The following TM7SF2 variants were observed in gnomAD, a reference collection of about 807,000 sequenced individuals.
The protein encoded by TM7SF2 is transmembrane 7 superfamily member 2.
In TM7SF2, 51 loss-of-function variants were observed where a neutral mutation model predicts 51.0. The observed-to-expected ratio is 1.00, with a 90% CI of 0.80 to 1.26. TM7SF2 has a LOEUF of 1.26. Among genes scored for constraint, TM7SF2 ranks in the 50% most tolerant of loss-of-function variants. The probability of loss-of-function intolerance (pLI) is 0.00; values close to 1 mark genes in which losing one functional copy is unlikely to be tolerated. For missense variants in TM7SF2, 541 were observed against 547.4 expected, an observed-to-expected ratio of 0.99 and a Z score of 0.12; for synonymous variants, 255 against 241.0, an observed-to-expected ratio of 1.06 and a Z score of -0.54.
At chr11:65,113,622 C>A (rs1947941081) in intron 5 of TM7SF2, 28 bp downstream of exon 5, 2 of 1,590,340 alleles carry the variant, frequency 1.3e-6, no homozygotes, top group Non-Finnish European at 1.7e-6. Context: ...GAGCTGGCCT[C>A]AGGCCAGGGG....
Position 65,115,350 on chromosome 11 carries a change from A to AC in TM7SF2, c.929_930insC (p.Gln310HisfsTer11). The AC allele has an allele frequency of 6.2e-7, 1 of 1,614,218 alleles. No individual in the cohort carries two copies. Among genetic ancestry groups the AC allele is most frequent in the East Asian group, 2.2e-5 (1 of 44,888 alleles). On this transcript the variant is annotated frameshift_variant, in exon 8 of 10. Coordinates refer to ENST00000279263, the MANE Select transcript of TM7SF2 (RefSeq NM_003273.6). LOFTEE classifies it high-confidence loss of function. ...TACATCTTCCGTGGGGCGAATTCCCAGAAAAACACTTTCCGAAAGAATCCT... is the reference window on the plus strand; with the variant it reads ...TACATCTTCCGTGGGGCGAATTCCCACGAAAAACACTTTCCGAAAGAATCCT...
At chr11:65,112,933 A>G (rs1433118436) in intron 3 of TM7SF2, 68 bp downstream of exon 3, 2 of 1,527,390 alleles carry the variant, frequency 1.3e-6, no homozygotes, top group African/African-American at 2.8e-5. Context: ...CCTAGCGGGG[A>G]GGTCCACGGA....
chr11:65,112,093 G>C, intron 1 of TM7SF2, 26 bp downstream of exon 1: 1 of 1,587,276 alleles, frequency 6.3e-7, no homozygotes, highest in Non-Finnish European at 8.5e-7. Flanking sequence ...GATGGGACCT[G>C]GGGCAAAGGC....
rs902293592 is a variant in TM7SF2, at chr11:65,114,952, T to C, written c.763T>C (p.Phe255Leu). Residue 255 changes from phenylalanine (F) to leucine (L), a missense_variant, in exon 7 of 10, where the codon TTT (phenylalanine) becomes CTT (leucine). Physicochemically the swap from Phe to Leu is conservative, Grantham distance 22. Coordinates refer to ENST00000279263, the MANE Select transcript of TM7SF2 (RefSeq NM_003273.6). ...LTTMDITHDG[F>L]GFMLAFGDMA... is the part of the protein sequence containing the mutation. ...CACCATGGATATCACACATGACGGG[T>C]TTGGCTTCATGCTGGCGTTTGGGGA... 14 of 1,614,058 alleles carry C rather than the reference T, an allele frequency of 8.7e-6. No homozygotes were observed. In the African/African-American group the frequency reaches 1.7e-4, roughly 20 times the overall value.
chr11:65,113,111 T>G, intron 3 of TM7SF2, 109 bp from the exon 4 acceptor site: 1 of 1,267,126 alleles, frequency 7.9e-7, no homozygotes, highest in Non-Finnish European at 1.1e-6. Context: ...GGCAGCCTAA[T>G]GCTTGGGGCA....
chr11:65,113,893 C>T, intron 5 of TM7SF2: 1 of 424,646 alleles, frequency 2.4e-6, no homozygotes, highest in South Asian at 2.4e-5. Context: ...TTCTCAACAG[C>T]AGTCAAGCAC....
rs372222454 is a variant in TM7SF2, at chr11:65,113,492, C to T, written c.501C>T (p.Gly167=). ...VSALAPGGNS[G]NPIYDFFLGR... The stretch of plus-strand genomic sequence containing the variant: ...CATTCACTCTCCAATATTCTCCAGG[C>T]AATCCGATTTACGACTTTTTTCTGG... The change falls in exon 5 of 10, where the codon GGC becomes GGT. Residue 167 remains glycine, a splice_region_variant and synonymous_variant. Coordinates refer to ENST00000279263, the MANE Select transcript of TM7SF2 (RefSeq NM_003273.6). The T allele has an allele frequency of 1.3e-5, 21 of 1,614,080 alleles. No individual in the cohort carries two copies. The African/African-American group carries it at 2.7e-4, about 21-fold the overall frequency.
Position 65,116,082 on chromosome 11 carries a change from T to A in TM7SF2, c.*29T>A, listed in dbSNP as rs776714979. ...GGCTCCACCACCCCAGGTGGGGGCA[T>A]GTGCCCACTCATCCACCAGCACACC... On this transcript the variant is annotated 3_prime_UTR_variant, in exon 10 of 10. Coordinates refer to ENST00000279263, the MANE Select transcript of TM7SF2 (RefSeq NM_003273.6). 3.8e-6 allele frequency: 6 copies of A among 1,591,768 alleles called. No homozygotes were observed. Among genetic ancestry groups the A allele is most frequent in the Non-Finnish European group, 4.3e-6 (5 of 1,172,128 alleles).
At chr11:65,115,843 T>TGCGGGGTGGAGGGGCCG (rs1301116821) in intron 9 of TM7SF2, 50 bp from the exon 10 acceptor site, 1 of 1,613,560 alleles carries the variant, frequency 6.2e-7, no homozygotes, top group East Asian at 2.2e-5. Context: ...GTTTGTGAAC[T>TGCGGGGTGGAGGGGCCG]GCGGGGTGGA....
chr11:65,112,913 G>A, intron 3 of TM7SF2, 48 bp downstream of exon 3: 2 of 1,545,002 alleles, frequency 1.3e-6, no homozygotes, highest in Middle Eastern at 1.7e-4. Flanking sequence ...GCCGGGGGTG[G>A]AGCTCCAGGC....
chr11:65,114,127 C>T (rs533544288), intron 5 of TM7SF2, among the ~76,000 whole-genome samples: 2 of 152,272 alleles, frequency 1.3e-5, no homozygotes, highest in African/African-American at 4.8e-5. Context: ...TGCCAGGTGC[C>T]CACCCTGGGT....
intron 1 of TM7SF2, 38 bp from the exon 2 acceptor site, chr11:65,112,477 C>T (rs1341844999): frequency 1.3e-6 from 2 of 1,486,940 alleles, no homozygotes; most frequent in African/African-American, 2.9e-5. Flanking sequence ...AGCTGGGGGG[C>T]TAGGGGCGGA....
chr11:65,113,535 C>G lies in TM7SF2; in HGVS notation c.544C>G (p.Arg182Gly), dbSNP rs1345966475. ...TTTTCTGGGACGAGAGCTCAACCCT[C>G]GTATCTGTTTCTTCGACTTCAAATA... ...DFFLGRELNP[R>G]ICFFDFKYFC... The change falls in exon 5 of 10, where the codon CGT (arginine) becomes GGT (glycine). Residue 182 changes from arginine to glycine, a missense_variant. By Grantham distance (125) the Arg-to-Gly change is moderately radical (BLOSUM62 -2). Coordinates refer to ENST00000279263, the MANE Select transcript of TM7SF2 (RefSeq NM_003273.6). 9.9e-6 allele frequency: 16 copies of G among 1,614,204 alleles called. No individual in the cohort carries two copies. The highest frequency in any genetic ancestry group is 1.4e-5 in the Non-Finnish European group (16 of 1,180,032).
At chr11:65,112,911 TGGAGCTCCAGGCCTAGCGG>T in intron 3 of TM7SF2, 46 bp downstream of exon 3, 1 of 1,545,288 alleles carries the variant, frequency 6.5e-7, no homozygotes, top group Non-Finnish European at 8.7e-7. Context: ...CGGCCGGGGG[TGGAGCTCCAGGCCTAGCGG>T]GGAGGTCCAC....
rs2137199513 is a variant in TM7SF2, at chr11:65,112,414, A to G, written c.53-101A>G. 3.1e-6 allele frequency: 4 copies of G among 1,283,864 alleles called. No individual in the cohort carries two copies. The East Asian group carries it at 1.2e-4, about 38-fold the overall frequency. The allele number at this position is 1,283,864 out of a possible 1,614,324, so 79.5% of individuals were successfully genotyped here. On this transcript the variant is annotated intron_variant, in intron 1 of 9. Coordinates refer to ENST00000279263, the MANE Select transcript of TM7SF2 (RefSeq NM_003273.6). ...ACGGGGTGCGGAGGCGCACTCTGGG[A>G]ATGCCGAGAGGGTCCCGCAGAGACG...
At chr11:65,112,765 G>C in intron 2 of TM7SF2, 46 bp from the exon 3 acceptor site, 1 of 1,549,618 alleles carries the variant, frequency 6.5e-7, no homozygotes, top group African/African-American at 1.4e-5. Flanking sequence ...GGCTCGGCGA[G>C]GGAAAGGACG....
chr11:65,113,686 G>A, intron 5 of TM7SF2, 92 bp downstream of exon 5: 2 of 1,063,004 alleles, frequency 1.9e-6, no homozygotes, highest in East Asian at 4.7e-5. Context: ...AAACTGTGCA[G>A]ATGCGAGTCA....
Position 65,116,167 on chromosome 11 carries a change from G to T in TM7SF2, c.*114G>T. ...GGGCTTGCACCCCACCCAGCCCTGA[G>T]GATGAACAACCTCAGAGAAGAGGTG... On this transcript the variant is annotated 3_prime_UTR_variant, in exon 10 of 10. Coordinates refer to ENST00000279263, the MANE Select transcript of TM7SF2 (RefSeq NM_003273.6). The T allele has an allele frequency of 7.3e-7, 1 of 1,374,262 alleles. No individual in the cohort carries two copies. The allele number at this position is 1,374,262 out of a possible 1,614,324, so 85.1% of individuals were successfully genotyped here. A position where few individuals can be genotyped will look rare whatever the true frequency, so the allele number is the denominator to read the frequency against.
In TM7SF2 at chr11:65,115,055, T is replaced by C. The variant is rs762121544; in HGVS notation, c.866T>C (p.Met289Thr). Residue 289 changes from methionine to threonine, a missense_variant, in exon 7 of 10, where the codon ATG becomes ACG. Physicochemically the swap from Met to Thr is moderately conservative, Grantham distance 81. Transcript: ENST00000279263. ...CACCCGCAGCCCCTGGGGTTGCCCA[T>C]GGCCTCTGTCATCTGCCTCATCAAT... Reference protein sequence around the residue: ...LHHPQPLGLPMASVICLINAT... With the variant: ...LHHPQPLGLPTASVICLINAT... The C allele has an allele frequency of 1.2e-6, 2 of 1,613,968 alleles. No homozygotes were observed. The highest frequency in any genetic ancestry group is 1.1e-5 in the South Asian group (1 of 91,090).
Sources: gnomAD v4.1 joint callset for allele counts (sites outside exome capture counted in the v4.1 genomes callset) on GRCh38, gnomAD v4.1.1 for gene constraint, MANE v1.5 for transcripts, NCBI Gene and HGNC (gene_info 2026-07-23, HGNC 2026-07-21) for gene names.